UVRAG: variants seen among roughly 807,000 people sequenced by gnomAD.
UVRAG encodes UV radiation resistance-associated gene protein.
UVRAG carries 19 observed loss-of-function variants against 78.0 expected under a neutral mutation model. The ratio of observed to expected loss-of-function variants is 0.24; its 90% CI spans 0.17 to 0.36. The LOEUF is 0.36. Ranked by LOEUF, UVRAG falls within the 10% of genes least tolerant of loss-of-function variation. The pLI is 1.00. For missense variants in UVRAG, 740 were observed against 853.8 expected (o/e 0.87, Z 1.66); for synonymous variants, 323 against 324.6 (o/e 1.00, Z 0.05).
intron 12 of UVRAG, among the ~76,000 whole-genome samples, chr11:76,047,166 T>G (rs1331882529): frequency 6.6e-6 from 1 of 152,208 alleles, no homozygotes; most frequent in East Asian, 1.9e-4. Flanking sequence ...GAATAAATAC[T>G]GATATCTCAT....
chr11:75,850,107 A>T (rs1305792285), intron 1 of UVRAG, among the ~76,000 whole-genome samples: 1 of 151,794 alleles, frequency 6.6e-6, no homozygotes, highest in African/African-American at 2.4e-5. Context: ...GAAGTTACAA[A>T]GTTACACTCC....
At chr11:76,102,090 A>G (rs1341893076) in intron 13 of UVRAG, among the ~76,000 whole-genome samples, 1 of 152,126 alleles carries the variant, frequency 6.6e-6, no homozygotes, top group Non-Finnish European at 1.5e-5. Flanking sequence ...TATGAATTTT[A>G]AAGTAGTTTT....
rs968529119 is a variant in UVRAG, at chr11:75,963,920, C to T, written c.699+2371C>T. On this transcript the variant is annotated intron_variant, in intron 7 of 14. Coordinates refer to ENST00000356136, the MANE Select transcript of UVRAG (RefSeq NM_003369.4). ...AAGTGGTCCTCTCACCTGAGCCTCC[C>T]GAGTAGCTGGGATTATAGACGTGTA... is the stretch of plus-strand genomic sequence containing the variant. Among the ~76,000 whole-genome samples, 12 of 152,224 alleles carry T rather than the reference C, an allele frequency of 7.9e-5. No individual in the cohort carries two copies. In the South Asian group the frequency reaches 1.0e-3, roughly 13 times the overall value.
At chr11:76,080,417 A>G (rs1172285832) in intron 13 of UVRAG, among the ~76,000 whole-genome samples, 3 of 152,168 alleles carry the variant, frequency 2.0e-5, no homozygotes, top group African/African-American at 7.2e-5. Context: ...AAACTGTGTT[A>G]CATGTTTGTT....
chr11:76,104,915 T>C (rs1951944022), intron 13 of UVRAG, among the ~76,000 whole-genome samples: 1 of 152,206 alleles, frequency 6.6e-6, no homozygotes, highest in South Asian at 2.1e-4. Context: ...ATCCCTGCAC[T>C]TATAATAATA....
intron 13 of UVRAG, among the ~76,000 whole-genome samples, chr11:76,084,527 A>G (rs538263795): frequency 1.3e-5 from 2 of 152,160 alleles, no homozygotes; most frequent in Non-Finnish European, 2.9e-5. Flanking sequence ...AGTTGTTAAT[A>G]TATTTTATAT....
intron 13 of UVRAG, among the ~76,000 whole-genome samples, chr11:76,103,204 A>C (rs1280629538): frequency 6.6e-6 from 1 of 152,134 alleles, no homozygotes; most frequent in Non-Finnish European, 1.5e-5. Context: ...GTGTGATTAG[A>C]CTGTCCCACC....
At chr11:75,933,970 C>T (rs766846937) in intron 6 of UVRAG, among the ~76,000 whole-genome samples, 6 of 152,124 alleles carry the variant, frequency 3.9e-5, no homozygotes, top group Non-Finnish European at 7.4e-5. Context: ...AAAAACTGAG[C>T]TATTACATGA....
At chr11:75,936,748 A>G (rs1168953565) in intron 6 of UVRAG, among the ~76,000 whole-genome samples, 1 of 152,184 alleles carries the variant, frequency 6.6e-6, no homozygotes, top group Non-Finnish European at 1.5e-5. Context: ...AATAATAATA[A>G]TAAAAAAACC....
chr11:75,883,383 GAAAAGAAAAAAAA>G (rs1405114956), intron 4 of UVRAG, among the ~76,000 whole-genome samples: 104 of 105,848 alleles, frequency 9.8e-4, no homozygotes, highest in African/African-American at 3.3e-3. Flanking sequence ...AAAAAAAAAA[GAAAAGAAAAAAAA>G]AAAAGAAAAA....
At chr11:75,937,412 T>C (rs1327170133) in intron 6 of UVRAG, among the ~76,000 whole-genome samples, 1 of 152,202 alleles carries the variant, frequency 6.6e-6, no homozygotes, top group Non-Finnish European at 1.5e-5. Context: ...CTGAAGTATT[T>C]CCTTTTGCAT....
chr11:75,898,135 C>G (rs894539495), intron 5 of UVRAG, among the ~76,000 whole-genome samples: 1 of 152,290 alleles, frequency 6.6e-6, no homozygotes, highest in South Asian at 2.1e-4. Flanking sequence ...TCCCAAAGTG[C>G]TGGGATTACA....
intron 7 of UVRAG, among the ~76,000 whole-genome samples, chr11:75,964,298 G>T (rs1948968523): frequency 6.6e-6 from 1 of 152,118 alleles, no homozygotes; most frequent in Non-Finnish European, 1.5e-5. Context: ...TTTGTTTTCA[G>T]GAAAAATATG....
chr11:75,877,996 G>C (rs991667864), intron 3 of UVRAG, among the ~76,000 whole-genome samples: 8 of 150,648 alleles, frequency 5.3e-5, no homozygotes, highest in African/African-American at 1.7e-4. Flanking sequence ...GGCGGCTGCC[G>C]GGCGGAGACG....
chr11:76,119,590 G>T (rs945806647), intron 14 of UVRAG, among the ~76,000 whole-genome samples: 1 of 152,136 alleles, frequency 6.6e-6, no homozygotes, highest in African/African-American at 2.4e-5. Flanking sequence ...CTACCCAGTT[G>T]CTCAAACCAG....
intron 12 of UVRAG, among the ~76,000 whole-genome samples, chr11:76,025,927 TAGAC>T (rs1449841364): frequency 6.6e-6 from 1 of 152,142 alleles, no homozygotes; most frequent in Non-Finnish European, 1.5e-5. Context: ...TGCAGCCACA[TAGAC>T]AGGTCAAGAG....
intron 1 of UVRAG, among the ~76,000 whole-genome samples, chr11:75,845,089 G>A (rs1322695468): frequency 6.6e-6 from 1 of 152,162 alleles, no homozygotes; most frequent in Non-Finnish European, 1.5e-5. Flanking sequence ...AACATTTCAG[G>A]TAGTTGAATT....
At chr11:76,043,827 A>C (rs960141026) in intron 12 of UVRAG, among the ~76,000 whole-genome samples, 1 of 152,246 alleles carries the variant, frequency 6.6e-6, no homozygotes, top group Admixed American at 6.5e-5. Context: ...GGTTAAAAAT[A>C]CACACTGTGG....
At chr11:75,895,561 G>A (rs1590987995) in intron 5 of UVRAG, among the ~76,000 whole-genome samples, 2 of 151,778 alleles carry the variant, frequency 1.3e-5, no homozygotes, top group East Asian at 1.9e-4. Flanking sequence ...GGCATTGTTA[G>A]GGAGTGATAT....
Sources: gnomAD v4.1 joint callset for allele counts (sites outside exome capture counted in the v4.1 genomes callset) on GRCh38, gnomAD v4.1.1 for gene constraint, MANE v1.5 for transcripts, NCBI Gene and HGNC (gene_info 2026-07-23, HGNC 2026-07-21) for gene names.